Variants in TMEM178B observed in about 807,000 individuals in gnomAD.
TMEM178B encodes transmembrane protein 178B.
TMEM178B carries 5 observed loss-of-function variants against 31.0 expected under a neutral mutation model. That is an observed-to-expected ratio of 0.16 (90% CI 0.08 to 0.34). The LOEUF (loss-of-function observed/expected upper bound fraction) is 0.34. Among genes scored for constraint, TMEM178B ranks in the 10% least tolerant of loss-of-function variants. The pLI, the probability that TMEM178B is intolerant of heterozygous loss-of-function variation, is 1.00. For missense variants in TMEM178B, 275 were observed against 400.3 expected (o/e 0.69, Z 2.67); for synonymous variants, 164 against 164.0 (o/e 1.00, Z 0.00).
chr7:141,289,844 A>G (rs1036485611), intron 2 of TMEM178B, among the ~76,000 whole-genome samples: 3 of 152,012 alleles, frequency 2.0e-5, no homozygotes, highest in South Asian at 2.1e-4. Context: ...ATGGAAATGG[A>G]ACAAAGTTGG....
intron 2 of TMEM178B, among the ~76,000 whole-genome samples, chr7:141,229,740 T>C (rs1797411223): frequency 6.6e-6 from 1 of 151,762 alleles, no homozygotes; most frequent in Admixed American, 6.6e-5. Flanking sequence ...CTGGGCAACA[T>C]AGTGAGACCC....
At chr7:141,229,333 T>G (rs933142777) in intron 2 of TMEM178B, among the ~76,000 whole-genome samples, 1 of 152,102 alleles carries the variant, frequency 6.6e-6, no homozygotes, top group African/African-American at 2.4e-5. Flanking sequence ...TCAGGCATTG[T>G]CACCGAATGC....
chr7:141,394,375 G>A (rs149771489), intron 2 of TMEM178B, among the ~76,000 whole-genome samples: 2 of 152,310 alleles, frequency 1.3e-5, no homozygotes, highest in East Asian at 1.9e-4. Flanking sequence ...CTAATATCAC[G>A]AAGACCCTCT....
In TMEM178B at chr7:141,094,709, C is replaced by A. The variant is rs551159153; in HGVS notation, c.382+20017C>A. 9.8e-5 allele frequency among the ~76,000 whole-genome samples: 15 copies of A among 152,324 alleles called. No individual in the cohort carries two copies. In the South Asian group the frequency reaches 1.2e-3, roughly 13 times the overall value. ...GTAGGGATCCTTTAGCCAATGGTTT[C>A]TGCAGTTTTTAATTTAATAGCATCA... On this transcript the variant is annotated intron_variant, in intron 1 of 3. Transcript: ENST00000565468.
At chr7:141,121,005 TC>T (rs533868816) in intron 1 of TMEM178B, among the ~76,000 whole-genome samples, 3 of 151,712 alleles carry the variant, frequency 2.0e-5, no homozygotes, top group African/African-American at 7.2e-5. Flanking sequence ...ATATACTCCT[TC>T]TGCTATTTCT....
chr7:141,370,766 AAC>A lies in TMEM178B; in HGVS notation c.497-66838_497-66837del, dbSNP rs542982984. Among the ~76,000 whole-genome samples, 339 of 152,336 alleles carry A rather than the reference AAC, an allele frequency of 2.2e-3. 1 individual carries two copies. Among genetic ancestry groups the A allele is most frequent in the African/African-American group, 7.3e-3 (305 of 41,586 alleles). Reference sequence around the variant, plus strand: ...GTAATTGCTCCTAAGGATTAGAAGAAACACAGCGTTCCTCTTTGCACATGGCA... The same window carrying A: ...GTAATTGCTCCTAAGGATTAGAAGAAACAGCGTTCCTCTTTGCACATGGCA... On this transcript the variant is annotated intron_variant, in intron 2 of 3. Transcript: ENST00000565468.
At chr7:141,495,346 A>G in the TMEM178B span, among the ~76,000 whole-genome samples, 1 of 152,220 alleles carries the variant, frequency 6.6e-6, no homozygotes. Context: ...TCTTCAGTGG[A>G]GTCAGCACCC....
intron 2 of TMEM178B, among the ~76,000 whole-genome samples, chr7:141,410,949 T>A (rs921958683): frequency 1.3e-5 from 2 of 152,160 alleles, no homozygotes; most frequent in Non-Finnish European, 2.9e-5. Context: ...GTAAAATTAA[T>A]CAGATACAAA....
rs1434265809 is a variant in TMEM178B at position 141,445,364 on chromosome 7, G to A, written c.634+7619G>A. ...CAAGGCAATGGCCATCTTGCCTGGA[G>A]GACTGTTTCTTTTAGACAGTAAAAT... On this transcript the variant is annotated intron_variant, in intron 3 of 3. Coordinates refer to ENST00000565468, the MANE Select transcript of TMEM178B (RefSeq NM_001195278.2). Among the ~76,000 whole-genome samples, 5 of 152,252 alleles carry A rather than the reference G, an allele frequency of 3.3e-5. No individual in the cohort carries two copies. In the East Asian group the frequency reaches 7.7e-4, roughly 24 times the overall value.
chr7:141,238,022 T>TAAA (rs1207360561), intron 2 of TMEM178B, among the ~76,000 whole-genome samples: 1 of 111,676 alleles, frequency 9.0e-6, no homozygotes, highest in Non-Finnish European at 1.8e-5. Flanking sequence ...AGACTCTGTC[T>TAAA]AAAAAAAAAA....
At chr7:141,295,778 T>G (rs1333192632) in intron 2 of TMEM178B, among the ~76,000 whole-genome samples, 1 of 152,144 alleles carries the variant, frequency 6.6e-6, no homozygotes, top group Admixed American at 6.5e-5. Flanking sequence ...GTATTTTGGC[T>G]GCCAACCTGG....
At chr7:141,261,767 G>A (rs915630792) in intron 2 of TMEM178B, among the ~76,000 whole-genome samples, 1 of 152,168 alleles carries the variant, frequency 6.6e-6, no homozygotes, top group African/African-American at 2.4e-5. Context: ...GTGGGAGACA[G>A]GGAGTGCGTG....
At chr7:141,342,900 T>C in intron 2 of TMEM178B, among the ~76,000 whole-genome samples, 1 of 152,178 alleles carries the variant, frequency 6.6e-6, no homozygotes, top group Non-Finnish European at 1.5e-5. Flanking sequence ...AATGCCAACT[T>C]CCTGTCATTA....
downstream of TMEM178B, among the ~76,000 whole-genome samples, chr7:141,481,338 A>AGT (rs1425970619): frequency 1.3e-5 from 2 of 152,184 alleles, no homozygotes; most frequent in African/African-American, 4.8e-5. Context: ...TGGAATAGAC[A>AGT]ATTCCCCAAA....
intron 1 of TMEM178B, among the ~76,000 whole-genome samples, chr7:141,199,857 C>T (rs1480802751): frequency 1.3e-5 from 2 of 152,162 alleles, no homozygotes; most frequent in African/African-American, 4.8e-5. Flanking sequence ...CGAGACCATC[C>T]TGGCTAACAC....
chr7:141,207,741 C>T (rs948555720), intron 1 of TMEM178B, among the ~76,000 whole-genome samples: 1 of 152,106 alleles, frequency 6.6e-6, no homozygotes, highest in Admixed American at 6.5e-5. Flanking sequence ...GCTCAGAAGG[C>T]AGAGCATGAC....
chr7:141,348,630 A>T (rs1018730818), intron 2 of TMEM178B, among the ~76,000 whole-genome samples: 3 of 152,154 alleles, frequency 2.0e-5, no homozygotes, highest in African/African-American at 7.2e-5. Flanking sequence ...ATCTTCACCC[A>T]CAAGAATATC....
At chr7:141,092,087 T>G (rs1794891139) in intron 1 of TMEM178B, among the ~76,000 whole-genome samples, 1 of 152,188 alleles carries the variant, frequency 6.6e-6, no homozygotes, top group Admixed American at 6.5e-5. Flanking sequence ...CTGTTATAGC[T>G]GAATTCCATA....
At chr7:141,448,586 G>T (rs191277937) in intron 3 of TMEM178B, among the ~76,000 whole-genome samples, 3 of 152,284 alleles carry the variant, frequency 2.0e-5, no homozygotes, top group East Asian at 1.9e-4. Context: ...GGCTGTATAG[G>T]AAAGCCATGT....
Sources: allele counts gnomAD v4.1 joint callset (sites outside exome capture counted in the v4.1 genomes callset), GRCh38; gene constraint gnomAD v4.1.1; transcripts MANE v1.5; gene names NCBI Gene and HGNC (gene_info 2026-07-23, HGNC 2026-07-21).